The following FRMD6 variants were observed in gnomAD, a reference collection of about 807,000 sequenced individuals.
FRMD6 encodes FERM domain containing 6.
In FRMD6, 37 loss-of-function variants were observed where a neutral mutation model predicts 73.2. That is an observed-to-expected ratio of 0.51 (90% CI 0.39 to 0.66). The LOEUF (loss-of-function observed/expected upper bound fraction) is 0.66. FRMD6 is among the 30% of genes least tolerant of loss of function. The pLI, the probability that FRMD6 is intolerant of heterozygous loss-of-function variation, is 0.00. For missense variants in FRMD6, 714 were observed against 780.5 expected, an observed-to-expected ratio of 0.91 and a Z score of 1.02; for synonymous variants, 273 against 282.2, an observed-to-expected ratio of 0.97 and a Z score of 0.33.
chr14:51,410,441 C>A, the FRMD6 span, among the ~76,000 whole-genome samples: 1 of 152,128 alleles, frequency 6.6e-6, no homozygotes, highest in Non-Finnish European at 1.5e-5. Flanking sequence ...AAAAATAAAC[C>A]TTTAAACTTT....
chr14:51,399,920 G>A, the FRMD6 span, among the ~76,000 whole-genome samples: 1 of 151,598 alleles, frequency 6.6e-6, no homozygotes, highest in Non-Finnish European at 1.5e-5. Flanking sequence ...ATGCTTCAAT[G>A]TGCAGAGAAT....
intron 1 of FRMD6, among the ~76,000 whole-genome samples, chr14:51,566,033 C>T (rs149199285): frequency 0.019 from 2,865 of 152,148 alleles, 86 homozygotes; most frequent in African/African-American, 0.063. Flanking sequence ...GGTGTGGTGG[C>T]GGGCGCCTGT....
chr14:51,611,149 T>C (rs1187136380), intron 2 of FRMD6, among the ~76,000 whole-genome samples: 5 of 152,064 alleles, frequency 3.3e-5, no homozygotes, highest in East Asian at 1.9e-4. Flanking sequence ...AGGAATCTCT[T>C]TGGAGAGGGG....
chr14:51,629,476 A>T (rs941058980), intron 2 of FRMD6, among the ~76,000 whole-genome samples: 5 of 152,154 alleles, frequency 3.3e-5, no homozygotes, highest in African/African-American at 1.2e-4. Context: ...TTACATTCCT[A>T]CCAGCAGTGT....
chr14:51,405,281 G>T, the FRMD6 span, among the ~76,000 whole-genome samples: 1 of 152,020 alleles, frequency 6.6e-6, no homozygotes, highest in Non-Finnish European at 1.5e-5. Context: ...TATTCTTCTG[G>T]GTATATTCCA....
the FRMD6 span, among the ~76,000 whole-genome samples, chr14:51,473,386 C>G: frequency 1.5e-3 from 236 of 152,324 alleles, 3 homozygotes; most frequent in Middle Eastern, 3.4e-3. Flanking sequence ...ACTACTGCTC[C>G]TCTGCTGCCT....
rs753831308 is a variant in FRMD6, at chr14:51,701,163, A to G, written c.294+4A>G. ...ACGACAATACGAAGTCACTTGGGTG[A>G]GATTACATTTATAAGCAAAATTATT... On this transcript the variant is annotated splice_donor_region_variant and intron_variant, in intron 4 of 13. Transcript: ENST00000344768. The G allele has an allele frequency of 4.6e-6, 7 of 1,512,196 alleles. No homozygotes were observed. The highest frequency in any genetic ancestry group is 5.4e-6 in the Non-Finnish European group (6 of 1,113,882). The allele number at this position is 1,512,196 out of a possible 1,614,324, so 93.7% of individuals were successfully genotyped here. A position where few individuals can be genotyped will look rare whatever the true frequency, so the allele number is the denominator to read the frequency against.
chr14:51,406,364 G>A, the FRMD6 span, among the ~76,000 whole-genome samples: 1 of 151,972 alleles, frequency 6.6e-6, no homozygotes, highest in Non-Finnish European at 1.5e-5. Context: ...TGTGAAGAAT[G>A]TTATTGGTAA....
intron 2 of FRMD6, among the ~76,000 whole-genome samples, chr14:51,646,699 GCC>G (rs1341858152): frequency 6.6e-6 from 1 of 150,526 alleles, no homozygotes; most frequent in Non-Finnish European, 1.5e-5. Flanking sequence ...CCTTTGTCCT[GCC>G]CTTCTGCTTG....
intron 1 of FRMD6, among the ~76,000 whole-genome samples, chr14:51,664,490 C>CT (rs1893436571): frequency 6.6e-6 from 1 of 152,142 alleles, no homozygotes; most frequent in Non-Finnish European, 1.5e-5. Context: ...ACACATAGGC[C>CT]TTTAATGCAT....
At chr14:51,549,640 G>A (rs1176660189) in intron 1 of FRMD6, among the ~76,000 whole-genome samples, 1 of 123,268 alleles carries the variant, frequency 8.1e-6, no homozygotes, top group Non-Finnish European at 1.6e-5. Context: ...CTGTCGCCCG[G>A]GCTGGAGTGC....
Position 51,630,405 on chromosome 14 carries a change from C to T in FRMD6, c.-146-59286C>T, listed in dbSNP as rs76429019. On this transcript the variant is annotated intron_variant, in intron 2 of 14. Coordinates refer to the FRMD6 transcript ENST00000356218. ...GGATTCAAGCCCATGTCATCTAGTT[C>T]GAAGTTGGATTTTATTTCATTATGC... Among the ~76,000 whole-genome samples, 1,012 of 152,036 alleles carry T rather than the reference C, an allele frequency of 6.7e-3. 12 individuals carry two copies. The highest frequency in any genetic ancestry group is 0.023 in the African/African-American group (959 of 41,448).
intron 2 of FRMD6, among the ~76,000 whole-genome samples, chr14:51,579,820 A>G (rs1258134107): frequency 6.6e-6 from 1 of 152,108 alleles, no homozygotes; most frequent in Non-Finnish European, 1.5e-5. Flanking sequence ...AATCTGACAT[A>G]TTCTCTGCCC....
At chr14:51,507,519 A>T (rs1383005155) in intron 1 of FRMD6, among the ~76,000 whole-genome samples, 1 of 152,218 alleles carries the variant, frequency 6.6e-6, no homozygotes, top group African/African-American at 2.4e-5. Flanking sequence ...AGACCTTTTC[A>T]AAATTCTACT....
chr14:51,694,203 A>G (rs537113965), intron 2 of FRMD6, among the ~76,000 whole-genome samples: 2 of 152,316 alleles, frequency 1.3e-5, no homozygotes, highest in African/African-American at 4.8e-5. Context: ...CAAATATGGA[A>G]GCTTTGGACA....
At chr14:51,626,774 C>A (rs951559401) in intron 2 of FRMD6, among the ~76,000 whole-genome samples, 2 of 152,150 alleles carry the variant, frequency 1.3e-5, no homozygotes, top group African/African-American at 4.8e-5. Flanking sequence ...GACCTCTTTA[C>A]GTCTTTTCTC....
intron 1 of FRMD6, among the ~76,000 whole-genome samples, chr14:51,529,470 C>CAG (rs146389938): frequency 0.034 from 5,113 of 151,492 alleles, 137 homozygotes; most frequent in Admixed American, 0.071. Flanking sequence ...TCATCATACA[C>CAG]AGAGAGAGAG....
chr14:51,399,894 A>G, the FRMD6 span, among the ~76,000 whole-genome samples: 2 of 151,790 alleles, frequency 1.3e-5, no homozygotes, highest in Admixed American at 6.6e-5. Context: ...GAATTTTTGA[A>G]TTTATTTTTT....
the FRMD6 span, among the ~76,000 whole-genome samples, chr14:51,402,398 G>A: frequency 2.6e-5 from 4 of 152,144 alleles, no homozygotes; most frequent in Non-Finnish European, 5.9e-5. Flanking sequence ...AATCATGGGG[G>A]AGGGTCTTTC....
Sources: gnomAD v4.1 joint callset for allele counts (sites outside exome capture counted in the v4.1 genomes callset) on GRCh38, gnomAD v4.1.1 for gene constraint, MANE v1.5 for transcripts, NCBI Gene and HGNC (gene_info 2026-07-23, HGNC 2026-07-21) for gene names.